LMO7: variants seen among roughly 807,000 people sequenced by gnomAD.
LMO7 encodes the protein LIM domain only protein 7.
LMO7 carries 120 observed loss-of-function variants against 206.5 expected under a neutral mutation model. That is an observed-to-expected ratio of 0.58 (90% confidence interval 0.50 to 0.68). The LOEUF (loss-of-function observed/expected upper bound fraction) is 0.68, where lower values mean the gene tolerates loss of function less well. LMO7 is among the 30% of genes least tolerant of loss of function. The pLI, the probability that LMO7 is intolerant of heterozygous loss-of-function variation, is 0.00. For missense variants in LMO7, 1,959 were observed against 1,957.9 expected, an observed-to-expected ratio of 1.00 and a Z score of -0.01; for synonymous variants, 706 against 681.5, an observed-to-expected ratio of 1.04 and a Z score of -0.56.
At chr13:75,767,375 G>A (rs1217056750) in intron 4 of LMO7, among the ~76,000 whole-genome samples, 1 of 151,946 alleles carries the variant, frequency 6.6e-6, no homozygotes. Context: ...TATCTTGGTA[G>A]AAGCTCAAGG....
intron 15 of LMO7, among the ~76,000 whole-genome samples, chr13:75,825,605 A>G (rs1325796580): frequency 6.6e-6 from 1 of 152,162 alleles, no homozygotes; most frequent in Non-Finnish European, 1.5e-5. Flanking sequence ...TGACAAGTGA[A>G]GCCATTGGAA....
chr13:75,642,428 G>T (rs1479284105), intron 1 of LMO7, among the ~76,000 whole-genome samples: 1 of 110,762 alleles, frequency 9.0e-6, no homozygotes, highest in Non-Finnish European at 1.7e-5. Context: ...AACATAGCAA[G>T]ACCCCATCTC....
upstream of LMO7, among the ~76,000 whole-genome samples, chr13:75,633,162 C>T (rs1400030926): frequency 3.3e-5 from 5 of 152,158 alleles, no homozygotes; most frequent in Non-Finnish European, 7.4e-5. Flanking sequence ...TGTGCCTCGC[C>T]GCACTTAAAA....
At chr13:75,651,190 C>G (rs2037518209) in intron 1 of LMO7, among the ~76,000 whole-genome samples, 1 of 152,080 alleles carries the variant, frequency 6.6e-6, no homozygotes, top group Admixed American at 6.5e-5. Flanking sequence ...TACAGTAATG[C>G]TTTTTATGTA....
At chr13:75,652,135 T>C (rs748210201) in intron 1 of LMO7, among the ~76,000 whole-genome samples, 9 of 152,102 alleles carry the variant, frequency 5.9e-5, no homozygotes, top group Admixed American at 2.0e-4. Flanking sequence ...TATAATATTA[T>C]AGTTTTTTTT....
At chr13:75,708,760 T>C (rs1380619144) in intron 1 of LMO7, among the ~76,000 whole-genome samples, 2 of 152,176 alleles carry the variant, frequency 1.3e-5, no homozygotes, top group Non-Finnish European at 2.9e-5. Context: ...TCTTTGGGTA[T>C]GTTTAACTGT....
intron 26 of LMO7, among the ~76,000 whole-genome samples, chr13:75,847,392 C>A (rs1417241595): frequency 6.6e-6 from 1 of 152,158 alleles, no homozygotes; most frequent in East Asian, 1.9e-4. Flanking sequence ...AATTATAGTT[C>A]TGTCAGCTTC....
At chr13:75,635,768 T>G (rs2035724219), upstream of LMO7, 1 of 151,812 alleles carries the variant, frequency 6.6e-6, no homozygotes, top group South Asian at 2.1e-4. Flanking sequence ...GACCCTCCTC[T>G]GCCGCCGGGA....
intron 27 of LMO7, 86 bp from the exon 28 acceptor site, chr13:75,853,006 G>T: frequency 8.9e-7 from 1 of 1,119,196 alleles, no homozygotes; most frequent in East Asian, 2.4e-5. Flanking sequence ...ATATAAAAAT[G>T]GATTTTTAAT....
At chr13:75,778,001 T>G (rs7331429) in intron 4 of LMO7, among the ~76,000 whole-genome samples, 59,586 of 151,910 alleles carry the variant, frequency 0.39, 12,237 homozygotes, top group East Asian at 0.61. Context: ...TACAAAAATA[T>G]CTCTAGCCTG....
At chr13:75,771,033 T>C (rs1187801599) in intron 4 of LMO7, among the ~76,000 whole-genome samples, 2 of 152,092 alleles carry the variant, frequency 1.3e-5, no homozygotes, top group Non-Finnish European at 2.9e-5. Flanking sequence ...TTATCATGAG[T>C]TGCTTTTTAA....
intron 1 of LMO7, among the ~76,000 whole-genome samples, chr13:75,687,369 G>A (rs1228608052): frequency 6.6e-6 from 1 of 152,152 alleles, no homozygotes; most frequent in Admixed American, 6.5e-5. Flanking sequence ...GGCCACCAGA[G>A]GGTAGTATTT....
chr13:75,665,854 T>A (rs1169210438), intron 1 of LMO7, among the ~76,000 whole-genome samples: 1 of 152,200 alleles, frequency 6.6e-6, no homozygotes, highest in African/African-American at 2.4e-5. Context: ...ATATGTTCTA[T>A]GGATGTTCAA....
At chr13:75,798,968 G>A (rs904334913) in intron 6 of LMO7, among the ~76,000 whole-genome samples, 17 of 152,334 alleles carry the variant, frequency 1.1e-4, no homozygotes, top group African/African-American at 3.6e-4. Context: ...AGATCTAAAC[G>A]CTTAAATTTA....
rs746572505 is a variant in LMO7, at chr13:75,800,711, A to T, written c.490A>T (p.Arg164Ter). The T allele has an allele frequency of 8.1e-6, 13 of 1,614,090 alleles. No individual in the cohort carries two copies. Among genetic ancestry groups the T allele is most frequent in the Non-Finnish European group, 9.3e-6 (11 of 1,179,948 alleles). Residue 164 changes from arginine to a stop codon, truncating the protein, a stop_gained, in exon 7 of 31, where the codon AGA becomes TGA. Transcript: ENST00000377534. LOFTEE classifies it high-confidence loss of function. Reference protein sequence around the residue: ...KALEDSSFLKRSGRDSGYGDI... With the variant: ...KALEDSSFLK ...ACTCGAAGACTCCAGCTTCCTGAAA[A>T]GAAGTGGCAGGGACAGTGGCTACGG...
intron 4 of LMO7, among the ~76,000 whole-genome samples, chr13:75,786,205 T>C (rs2052392896): frequency 6.6e-6 from 1 of 152,160 alleles, no homozygotes; most frequent in East Asian, 1.9e-4. Context: ...GTCCACATAA[T>C]GATTGATATA....
chr13:75,780,764 A>C (rs543600750), intron 4 of LMO7, among the ~76,000 whole-genome samples: 1 of 152,374 alleles, frequency 6.6e-6, no homozygotes, highest in African/African-American at 2.4e-5. Context: ...GTAAGAAATT[A>C]TAAAAGTATT....
At chr13:75,748,947 G>A (rs1050550325) in intron 3 of LMO7, among the ~76,000 whole-genome samples, 1 of 151,858 alleles carries the variant, frequency 6.6e-6, no homozygotes, top group African/African-American at 2.4e-5. Flanking sequence ...GAGTAGCTGG[G>A]ACTACAGGCA....
chr13:75,781,038 A>G (rs1027169322), intron 4 of LMO7, among the ~76,000 whole-genome samples: 7 of 142,296 alleles, frequency 4.9e-5, no homozygotes, highest in African/African-American at 1.8e-4. Flanking sequence ...TACATTTATA[A>G]TTATCTAATG....
Sources: allele counts gnomAD v4.1 joint callset (sites outside exome capture counted in the v4.1 genomes callset), GRCh38; gene constraint gnomAD v4.1.1; transcripts MANE v1.5; gene names NCBI Gene and HGNC (gene_info 2026-07-23, HGNC 2026-07-21).